GRK3: variants seen among roughly 807,000 people sequenced by gnomAD.
GRK3 encodes the protein adrenergic, beta, receptor kinase 2.
In GRK3, 54 loss-of-function variants were observed where a neutral mutation model predicts 95.7. The observed-to-expected ratio is 0.56, with a 90% CI of 0.45 to 0.71. GRK3 has a LOEUF of 0.71. GRK3 is among the 30% of genes least tolerant of loss of function. The pLI is 0.00. For synonymous variants in GRK3, 281 were observed against 290.8 expected, an observed-to-expected ratio of 0.97 and a Z score of 0.34; for missense variants, 649 against 851.2, an observed-to-expected ratio of 0.76 and a Z score of 2.96.
At chr22:25,615,429 T>G (rs112980005) in intron 2 of GRK3, among the ~76,000 whole-genome samples, 3,435 of 152,290 alleles carry the variant, frequency 0.023, 61 homozygotes, top group Middle Eastern at 0.068. Context: ...TCATAATATC[T>G]TCTGGTTTTA....
intron 13 of GRK3, among the ~76,000 whole-genome samples, chr22:25,696,770 G>GT (rs2085212282): frequency 6.6e-6 from 1 of 152,200 alleles, no homozygotes; most frequent in Non-Finnish European, 1.5e-5. Flanking sequence ...TGATAATCCA[G>GT]TTGCTCTCTA....
At chr22:25,565,614 C>T (rs1479654105) in intron 1 of GRK3, among the ~76,000 whole-genome samples, 2 of 152,218 alleles carry the variant, frequency 1.3e-5, no homozygotes, top group Non-Finnish European at 2.9e-5. Flanking sequence ...CCAACTCCAT[C>T]CTCTCACCTC....
chr22:25,610,143 A>G (rs1265665436), intron 2 of GRK3, among the ~76,000 whole-genome samples: 3 of 151,632 alleles, frequency 2.0e-5, no homozygotes, highest in Non-Finnish European at 4.4e-5. Context: ...GAGCCACCTC[A>G]CCCAGCCCTG....
intron 1 of GRK3, among the ~76,000 whole-genome samples, chr22:25,597,796 C>T (rs1019428613): frequency 7.9e-5 from 12 of 152,094 alleles, no homozygotes; most frequent in East Asian, 1.9e-4. Context: ...AACCTATGCA[C>T]GCAGAAGACA....
At chr22:25,612,401 G>A (rs1219296701) in intron 2 of GRK3, among the ~76,000 whole-genome samples, 1 of 151,810 alleles carries the variant, frequency 6.6e-6, no homozygotes. Flanking sequence ...TTTAATTTTG[G>A]TTGTTCATTG....
intron 3 of GRK3, among the ~76,000 whole-genome samples, chr22:25,655,603 C>A (rs2084865154): frequency 6.6e-6 from 1 of 152,092 alleles, no homozygotes; most frequent in Admixed American, 6.6e-5. Context: ...TCAGCATTTT[C>A]ATCTGGACCA....
Position 25,709,932 on chromosome 22 carries a change from G to T in GRK3, c.1363G>T (p.Gly455Cys), listed in dbSNP as rs1438942909. The T allele has an allele frequency of 2.5e-6, 4 of 1,613,884 alleles. No individual in the cohort carries two copies. The highest frequency in any genetic ancestry group is 3.4e-6 in the Non-Finnish European group (4 of 1,179,908). The change falls in exon 16 of 21, where the codon GGT (glycine) becomes TGT (cysteine). Residue 455 changes from glycine (G) to cysteine (C), a missense_variant. Physicochemically the swap from Gly to Cys is radical, Grantham distance 159. Coordinates refer to ENST00000324198, the MANE Select transcript of GRK3 (RefSeq NM_005160.4). ...QEVKEHSFFK[G>C]VDWQHVYLQK... ...AGTAAAAGAGCACAGCTTTTTCAAA[G>T]GTGTTGACTGGCAGCATGTCTACTT...
chr22:25,681,672 C>T (rs912368903), intron 9 of GRK3, among the ~76,000 whole-genome samples: 7 of 152,170 alleles, frequency 4.6e-5, no homozygotes, highest in African/African-American at 9.7e-5. Flanking sequence ...AAGATTGCTC[C>T]GGCTGCAGTG....
intron 1 of GRK3, among the ~76,000 whole-genome samples, chr22:25,594,601 C>T (rs1217585598): frequency 5.3e-5 from 8 of 152,056 alleles, no homozygotes; most frequent in Non-Finnish European, 7.4e-5. Context: ...AAAACTGGCC[C>T]GGTGCAGTGG....
intron 8 of GRK3, 52 bp from the exon 9 acceptor site, chr22:25,678,764 T>C (rs1386835653): frequency 1.9e-5 from 21 of 1,104,700 alleles, no homozygotes; most frequent in Non-Finnish European, 2.8e-5. Flanking sequence ...ATTGTTTAAA[T>C]TAGTCTAGAT....
intron 19 of GRK3, among the ~76,000 whole-genome samples, chr22:25,720,466 ACT>A (rs1568942742): frequency 1.5e-4 from 20 of 135,958 alleles, no homozygotes; most frequent in African/African-American, 5.6e-4. Flanking sequence ...AATACTATAG[ACT>A]TTTTTTTTTT....
At chr22:25,577,675 G>A (rs1020007885) in intron 1 of GRK3, among the ~76,000 whole-genome samples, 1 of 152,128 alleles carries the variant, frequency 6.6e-6, no homozygotes, top group African/African-American at 2.4e-5. Flanking sequence ...TAATGCACGT[G>A]GAGCTTTTCC....
intron 2 of GRK3, among the ~76,000 whole-genome samples, chr22:25,612,022 G>A (rs1157422263): frequency 6.6e-6 from 1 of 151,714 alleles, no homozygotes; most frequent in African/African-American, 2.4e-5. Flanking sequence ...CAGTAGAGAC[G>A]GGTTTTCACC....
intron 6 of GRK3, among the ~76,000 whole-genome samples, 186 bp downstream of exon 6, chr22:25,667,986 T>A (rs189584193): frequency 2.0e-5 from 3 of 152,350 alleles, no homozygotes; most frequent in South Asian, 4.1e-4. Context: ...TTAGGGTTTG[T>A]CTATCTTAAC....
At position 25,675,674 on chromosome 22, in the gene GRK3, C is replaced by T. The variant is rs73879511; in HGVS notation, c.647+1146C>T. 8.0e-3 allele frequency among the ~76,000 whole-genome samples: 1,222 copies of T among 152,306 alleles called. 13 individuals carry two copies. Among genetic ancestry groups the T allele is most frequent in the African/African-American group, 0.026 (1,082 of 41,564 alleles). On this transcript the variant is annotated intron_variant, in intron 8 of 20. Coordinates refer to ENST00000324198, the MANE Select transcript of GRK3 (RefSeq NM_005160.4). Reference sequence around the variant, plus strand: ...TTGAGGCCCCCTAATTCAGTGCCTGCCTCCGGTCAGCCTCTGCTCAGGCAC... The same window carrying T: ...TTGAGGCCCCCTAATTCAGTGCCTGTCTCCGGTCAGCCTCTGCTCAGGCAC...
chr22:25,670,639 C>T (rs1220870224), intron 6 of GRK3, among the ~76,000 whole-genome samples: 1 of 152,132 alleles, frequency 6.6e-6, no homozygotes, highest in South Asian at 2.1e-4. Flanking sequence ...TCCTCCCTCT[C>T]TCCCTGAATC....
chr22:25,661,585 T>G lies in GRK3; in HGVS notation c.274T>G (p.Tyr92Asp). The G allele has an allele frequency of 6.2e-7, 1 of 1,607,708 alleles. No individual in the cohort carries two copies. The highest frequency in any genetic ancestry group is 8.5e-7 in the Non-Finnish European group (1 of 1,175,214). The change falls in exon 4 of 21, where the codon TAT becomes GAT. Residue 92 changes from tyrosine to aspartate, a missense_variant. Physicochemically the swap from Tyr to Asp is radical, Grantham distance 160. Transcript: ENST00000324198. ...ACTTTAAAAAACCTAGATAAAGGAA[T>G]ATGAAAAACTTGATAATGAGGAAGA... ...QVKFYEEIKE[Y>D]EKLDNEEDRL...
intron 13 of GRK3, among the ~76,000 whole-genome samples, chr22:25,702,669 C>T (rs1016720756): frequency 6.6e-6 from 1 of 152,188 alleles, no homozygotes; most frequent in African/African-American, 2.4e-5. Flanking sequence ...ACATAGTTCA[C>T]CAAGTAGACA....
At chr22:25,661,443 C>G (rs919868984) in intron 3 of GRK3, 133 bp from the exon 4 acceptor site, 14 of 519,642 alleles carry the variant, frequency 2.7e-5, no homozygotes, top group Admixed American at 6.3e-5. Flanking sequence ...GTAGCTGTTT[C>G]CTGTGGAATA....
Sources: gnomAD v4.1 joint callset for allele counts (sites outside exome capture counted in the v4.1 genomes callset) on GRCh38, gnomAD v4.1.1 for gene constraint, MANE v1.5 for transcripts, NCBI Gene and HGNC (gene_info 2026-07-23, HGNC 2026-07-21) for gene names.